Variants in PAK6 observed in about 807,000 individuals in gnomAD.
The protein encoded by PAK6 is serine/threonine-protein kinase PAK 6.
PAK6 carries 33 observed loss-of-function variants against 60.8 expected under a neutral mutation model. The ratio of observed to expected loss-of-function variants is 0.54; its 90% CI spans 0.41 to 0.73. The LOEUF is 0.73. Ranked by LOEUF, PAK6 falls within the 30% of genes least tolerant of loss-of-function variation. The probability of loss-of-function intolerance (pLI) is 0.00; values close to 1 mark genes in which losing one functional copy is unlikely to be tolerated. For missense variants in PAK6, 845 were observed against 904.1 expected, an observed-to-expected ratio of 0.93 and a Z score of 0.84; for synonymous variants, 404 against 378.5, an observed-to-expected ratio of 1.07 and a Z score of -0.78.
intron 9 of PAK6, 124 bp downstream of exon 9, chr15:40,273,800 A>G (rs2039376390): frequency 8.6e-7 from 1 of 1,168,058 alleles, no homozygotes; most frequent in Non-Finnish European, 1.2e-6. Context: ...CACCTAGTCA[A>G]CACCCTTCCC....
intron 5 of PAK6, among the ~76,000 whole-genome samples, chr15:40,268,265 C>T (rs1440098957): frequency 6.6e-6 from 1 of 152,194 alleles, no homozygotes; most frequent in Non-Finnish European, 1.5e-5. Flanking sequence ...CGGGCCGGGG[C>T]TTCTCAGCGT....
chr15:40,264,415 T>C (rs1350445480), intron 3 of PAK6: 1 of 469,858 alleles, frequency 2.1e-6, no homozygotes, highest in East Asian at 6.5e-5. Flanking sequence ...TTCCTCCCTC[T>C]TTCCCCATTT....
At chr15:40,252,424 G>C (rs1401781861) in intron 2 of PAK6, 1 of 1,355,858 alleles carries the variant, frequency 7.4e-7, no homozygotes, top group Non-Finnish European at 9.8e-7. Flanking sequence ...TGGAGAGAAA[G>C]AGTTGAGCAG....
At chr15:40,272,122 C>A (rs2094126286) in intron 5 of PAK6, 102 bp from the exon 6 acceptor site, 2 of 1,329,786 alleles carry the variant, frequency 1.5e-6, no homozygotes, top group Non-Finnish European at 2.1e-6. Flanking sequence ...CCCGCCTGAC[C>A]CTGCCAGAGT....
chr15:40,252,441 G>T, intron 2 of PAK6: 1 of 1,359,168 alleles, frequency 7.4e-7, no homozygotes. Context: ...GCAGCACGGC[G>T]CCCCTCGGGC....
rs377535155 is a variant in PAK6 at position 40,273,010 on chromosome 15, G to C, written c.1490+11G>C. The C allele has an allele frequency of 3.1e-5, 50 of 1,612,824 alleles. No individual in the cohort carries two copies. The highest frequency in any genetic ancestry group is 4.2e-5 in the Non-Finnish European group (49 of 1,179,692). On this transcript the variant is annotated intron_variant, in intron 7 of 10. Transcript: ENST00000560346. ...CGTCTCCCAAGTCAGGTGGGCAGCT[G>C]GGAGGGCTGGACCCTGAGTGCAGGC...
intron 5 of PAK6, 67 bp downstream of exon 5, chr15:40,266,562 G>C (rs1023413464): frequency 6.9e-7 from 1 of 1,444,056 alleles, no homozygotes. Flanking sequence ...GCCTTGCCTA[G>C]CCTTCCCCTT....
In PAK6 at chr15:40,268,949, C is replaced by T. The variant is rs193053550; in HGVS notation, c.858+2454C>T. Among the ~76,000 whole-genome samples the T allele has an allele frequency of 5.1e-4, 77 of 152,342 alleles. 1 individual carries two copies. Among genetic ancestry groups the T allele is most frequent in the African/African-American group, 1.8e-3 (76 of 41,582 alleles). ...GCCTACAGGACAACCAAACAACCCA[C>T]AGGGTTATGAGGATTACATGAGATA... On this transcript the variant is annotated intron_variant, in intron 5 of 10. Transcript: ENST00000560346.
intron 2 of PAK6, chr15:40,252,214 A>C: frequency 1.7e-6 from 2 of 1,156,912 alleles, no homozygotes; most frequent in African/African-American, 1.6e-5. Flanking sequence ...CAGGTCCGGG[A>C]GAGTCGGCCC....
chr15:40,276,383 T>A, exon 11 of PAK6: 1 of 398,174 alleles, frequency 2.5e-6, no homozygotes, highest in Non-Finnish European at 4.5e-6. Flanking sequence ...TCCTGGCCTC[T>A]GCAGCCAACA....
At chr15:40,254,901 CCTT>C (rs1354544325) in intron 3 of PAK6, among the ~76,000 whole-genome samples, 1 of 152,226 alleles carries the variant, frequency 6.6e-6, no homozygotes, top group Non-Finnish European at 1.5e-5. Context: ...CTTGCCTCCT[CCTT>C]CTCTCTCCAG....
intron 9 of PAK6, 23 bp from the exon 10 acceptor site, chr15:40,274,119 T>C: frequency 2.5e-6 from 4 of 1,613,598 alleles, no homozygotes; most frequent in Non-Finnish European, 3.4e-6. Context: ...GGCCATGGGG[T>C]CAGGGACATT....
intron 2 of PAK6, among the ~76,000 whole-genome samples, chr15:40,248,749 G>T (rs1181857163): frequency 6.6e-6 from 1 of 152,130 alleles, no homozygotes; most frequent in Non-Finnish European, 1.5e-5. Context: ...CAGCCCTCTT[G>T]TGTCTCACGT....
chr15:40,252,794 C>A lies in PAK6; in HGVS notation c.-117-384C>A. The A allele has an allele frequency of 7.7e-7, 1 of 1,298,954 alleles. No individual in the cohort carries two copies. Among genetic ancestry groups the A allele is most frequent in the African/African-American group, 1.5e-5 (1 of 65,846 alleles). 80.5% of individuals were successfully genotyped at this position (1,298,954 alleles called of 1,614,324 possible). On this transcript the variant is annotated intron_variant, in intron 2 of 10. Transcript: ENST00000560346. ...CCATGCCCCGAAGTTCGGGACCAGC[C>A]GGCGCCAGGCGAGGGGCCTTGGGCG...
At chr15:40,239,230 G>A (rs2140932767), upstream of PAK6, 1 of 152,334 alleles carries the variant, frequency 6.6e-6, no homozygotes, top group Non-Finnish European at 1.5e-5. Context: ...TCGCCTGCCA[G>A]GCAGCCCTGG....
chr15:40,265,051 C>G, intron 4 of PAK6, 62 bp downstream of exon 4: 1 of 1,503,008 alleles, frequency 6.7e-7, no homozygotes, highest in Non-Finnish European at 9.0e-7. Flanking sequence ...CCATGCCTGG[C>G]TAAACCTCAG....
chr15:40,253,742 G>A (rs1235959898), intron 3 of PAK6, among the ~76,000 whole-genome samples: 1 of 152,220 alleles, frequency 6.6e-6, no homozygotes, highest in Admixed American at 6.5e-5. Flanking sequence ...ACACATCCCA[G>A]CCCACCGCTC....
chr15:40,272,620 G>T, exon 6 of PAK6: 1 of 1,611,288 alleles, frequency 6.2e-7, no homozygotes. Flanking sequence ...GGGCTCCACC[G>T]GCATCGTCTG....
chr15:40,254,706 A>G (rs1429719130), intron 3 of PAK6, among the ~76,000 whole-genome samples: 1 of 152,186 alleles, frequency 6.6e-6, no homozygotes, highest in Non-Finnish European at 1.5e-5. Flanking sequence ...GGAGTCGGAG[A>G]GATCTGACTT....
Sources: allele counts gnomAD v4.1 joint callset (sites outside exome capture counted in the v4.1 genomes callset), GRCh38; gene constraint gnomAD v4.1.1; transcripts MANE v1.5; gene names NCBI Gene and HGNC (gene_info 2026-07-23, HGNC 2026-07-21).